TXNRD2: variants seen among roughly 807,000 people sequenced by gnomAD.
The protein encoded by TXNRD2 is thioredoxin reductase 2.
TXNRD2 carries 67 observed loss-of-function variants against 70.8 expected under a neutral mutation model. The ratio of observed to expected loss-of-function variants is 0.95; its 90% CI spans 0.78 to 1.16. The LOEUF is 1.16. Ranked by LOEUF, TXNRD2 falls within the 50% of genes most tolerant of loss-of-function variation. The pLI, the probability that TXNRD2 is intolerant of heterozygous loss-of-function variation, is 0.00. For missense variants in TXNRD2, 644 were observed against 719.9 expected (o/e 0.89, Z 1.21); for synonymous variants, 301 against 295.8 (o/e 1.02, Z -0.18).
At chr22:19,902,301 T>C (rs1939812324) in intron 8 of TXNRD2, among the ~76,000 whole-genome samples, 1 of 152,238 alleles carries the variant, frequency 6.6e-6, no homozygotes, top group Admixed American at 6.5e-5. Flanking sequence ...TACTGCAGGA[T>C]GAGCCTAATC....
intron 2 of TXNRD2, among the ~76,000 whole-genome samples, chr22:19,927,751 G>A (rs1941207345): frequency 6.6e-6 from 1 of 151,740 alleles, no homozygotes; most frequent in Non-Finnish European, 1.5e-5. Context: ...ACAGAGGGCT[G>A]ACTCTGTATC....
chr22:19,934,426 G>A lies in TXNRD2; in HGVS notation c.104-3328C>T, dbSNP rs115196220. On this transcript the variant is annotated intron_variant, in intron 1 of 17. Transcript: ENST00000400521. ...ACTGCACCCCTAGTCTGGGTACAGT[G>A]GCTCACACCTGTGTTGCAGGAAGTC... 5.8e-3 allele frequency among the ~76,000 whole-genome samples: 877 copies of A among 151,216 alleles called. 9 individuals are homozygous for A. Among genetic ancestry groups the A allele is most frequent in the African/African-American group, 0.02 (843 of 41,154 alleles).
intron 2 of TXNRD2, among the ~76,000 whole-genome samples, chr22:19,924,436 G>A (rs1941041817): frequency 6.6e-6 from 1 of 152,202 alleles, no homozygotes; most frequent in South Asian, 2.1e-4. Context: ...GAAGCAGAAG[G>A]GGTGACGGTT....
intron 16 of TXNRD2, among the ~76,000 whole-genome samples, chr22:19,877,885 C>T (rs989163884): frequency 1.3e-5 from 2 of 152,090 alleles, no homozygotes; most frequent in African/African-American, 4.8e-5. Context: ...CTCTGGCTGG[C>T]TCAACAGCGT....
intron 8 of TXNRD2, among the ~76,000 whole-genome samples, chr22:19,901,063 T>G (rs1301794798): frequency 6.6e-6 from 1 of 152,234 alleles, no homozygotes; most frequent in East Asian, 1.9e-4. Flanking sequence ...GGGGCCAGGC[T>G]GCTCTCCGGG....
intron 2 of TXNRD2, among the ~76,000 whole-genome samples, chr22:19,927,700 A>G (rs910482610): frequency 6.6e-6 from 1 of 151,766 alleles, no homozygotes; most frequent in African/African-American, 2.4e-5. Context: ...AAAAGAAAGA[A>G]AAAGAAAAAA....
chr22:19,905,246 G>A (rs1316825250), intron 8 of TXNRD2, among the ~76,000 whole-genome samples: 2 of 152,106 alleles, frequency 1.3e-5, no homozygotes, highest in South Asian at 2.1e-4. Context: ...AGAATGAAAC[G>A]GGTGACTGAT....
rs1391604906 is a variant in TXNRD2 at position 19,875,674 on chromosome 22, G to A, written c.*199C>T. On this transcript the variant is annotated 3_prime_UTR_variant, in exon 18 of 18. Coordinates refer to ENST00000400521, the MANE Select transcript of TXNRD2 (RefSeq NM_006440.5). ...GCGGCAGAGGCTGAGAGGTGCAGGG[G>A]TGAGGTGGACAGTCCCCTGAGCCAT... 3 of 152,330 alleles carry A rather than the reference G, an allele frequency of 2.0e-5. No homozygotes were observed. The highest frequency in any genetic ancestry group is 2.9e-5 in the Non-Finnish European group (2 of 68,158). The allele number at this position is 152,330 out of a possible 1,614,324, so 9.4% of individuals were successfully genotyped here. A position where few individuals can be genotyped will look rare whatever the true frequency, so the allele number is the denominator to read the frequency against.
intron 8 of TXNRD2, among the ~76,000 whole-genome samples, chr22:19,908,768 G>A (rs2146011554): frequency 6.6e-6 from 1 of 152,336 alleles, no homozygotes; most frequent in South Asian, 2.1e-4. Context: ...AATGTGGTGT[G>A]CCTGTACAAT....
chr22:19,909,943 C>CCA (rs535309247), intron 8 of TXNRD2, among the ~76,000 whole-genome samples: 2,177 of 129,570 alleles, frequency 0.017, 65 homozygotes, highest in South Asian at 0.044. Context: ...CACTCACACA[C>CCA]CACACACACA....
At chr22:19,907,535 C>T (rs1387958275) in intron 8 of TXNRD2, among the ~76,000 whole-genome samples, 3 of 27,748 alleles carry the variant, frequency 1.1e-4, no homozygotes, top group African/African-American at 5.4e-4. Context: ...GTGTGGGCGC[C>T]GTGGGTAGCA....
At chr22:19,934,505 T>C (rs1038806691) in intron 1 of TXNRD2, among the ~76,000 whole-genome samples, 2 of 151,596 alleles carry the variant, frequency 1.3e-5, no homozygotes, top group African/African-American at 4.8e-5. Context: ...ACATAAATAG[T>C]GAAGATTTCA....
At chr22:19,926,163 CAAA>C (rs149482078) in intron 2 of TXNRD2, among the ~76,000 whole-genome samples, 8 of 86,670 alleles carry the variant, frequency 9.2e-5, no homozygotes, top group Admixed American at 2.6e-4. Flanking sequence ...AACTCCGTCT[CAAA>C]AAAAAAAAAA....
At chr22:19,886,821 C>G (rs1401355664) in intron 11 of TXNRD2, among the ~76,000 whole-genome samples, 3 of 152,216 alleles carry the variant, frequency 2.0e-5, no homozygotes, top group Non-Finnish European at 2.9e-5. Context: ...TGCTGAATGG[C>G]CCCTCCTGGG....
intron 12 of TXNRD2, 71 bp downstream of exon 12, chr22:19,883,254 C>T (rs1218031953): frequency 2.6e-5 from 41 of 1,579,960 alleles, no homozygotes; most frequent in Non-Finnish European, 3.5e-5. Flanking sequence ...ACGGCAGCAG[C>T]CGGAGCCCAG....
chr22:19,941,496 CCA>C (rs1252286368), intron 1 of TXNRD2: 4 of 882,870 alleles, frequency 4.5e-6, no homozygotes, highest in Non-Finnish European at 6.2e-6. Context: ...GCACCCAGCC[CCA>C]GTTTCCCCAC....
intron 11 of TXNRD2, among the ~76,000 whole-genome samples, chr22:19,890,599 C>A (rs191357238): frequency 9.2e-5 from 14 of 152,268 alleles, no homozygotes; most frequent in Admixed American, 4.6e-4. Flanking sequence ...CCACACCCAC[C>A]GCGGCCCCTA....
intron 1 of TXNRD2, chr22:19,932,509 A>T: frequency 6.4e-7 from 1 of 1,572,872 alleles, no homozygotes; most frequent in Non-Finnish European, 8.6e-7. Flanking sequence ...GACTGGAGGG[A>T]GGAAGTAGAG....
At chr22:19,889,758 G>A (rs150541648) in intron 11 of TXNRD2, among the ~76,000 whole-genome samples, 2 of 152,274 alleles carry the variant, frequency 1.3e-5, no homozygotes, top group African/African-American at 4.8e-5. Context: ...TTACAGGCAT[G>A]AGCCACCTCA....
Sources: allele counts gnomAD v4.1 joint callset (sites outside exome capture counted in the v4.1 genomes callset), GRCh38; gene constraint gnomAD v4.1.1; transcripts MANE v1.5; gene names NCBI Gene and HGNC (gene_info 2026-07-23, HGNC 2026-07-21).